Variants in SBNO1 observed in about 807,000 individuals in gnomAD.
The protein encoded by SBNO1 is strawberry notch homolog 1.
A neutral mutation model predicts 173.6 loss-of-function variants in SBNO1; 23 were observed. That is an observed-to-expected ratio of 0.13 (90% CI 0.10 to 0.19). The LOEUF is 0.19. SBNO1 is among the 10% of genes least tolerant of loss of function. SBNO1 has a pLI of 1.00. For synonymous variants in SBNO1, 632 were observed against 571.5 expected, an observed-to-expected ratio of 1.11 and a Z score of -1.51; for missense variants, 1,238 against 1,671.2, an observed-to-expected ratio of 0.74 and a Z score of 4.52.
intron 7 of SBNO1, among the ~76,000 whole-genome samples, chr12:123,332,432 C>T (rs1593378031): frequency 6.6e-6 from 1 of 151,916 alleles, no homozygotes; most frequent in South Asian, 2.1e-4. Flanking sequence ...GCTAGGATTA[C>T]AGGCATGTGC....
intron 28 of SBNO1, 50 bp downstream of exon 28, chr12:123,309,260 C>A (rs769293201): frequency 7.7e-7 from 1 of 1,299,312 alleles, no homozygotes; most frequent in Non-Finnish European, 1.1e-6. Context: ...ACAATGCTGG[C>A]CATTAAAAAG....
chr12:123,311,999 C>T (rs528828159), intron 24 of SBNO1, among the ~76,000 whole-genome samples: 6 of 151,862 alleles, frequency 4.0e-5, no homozygotes, highest in Admixed American at 1.3e-4. Context: ...CTTGGCCTCC[C>T]AAAGTGCTGA....
At chr12:123,333,936 C>A in intron 7 of SBNO1, 117 bp downstream of exon 7, 4 of 631,870 alleles carry the variant, frequency 6.3e-6, no homozygotes, top group Non-Finnish European at 9.9e-6. Flanking sequence ...ATTAAACTTT[C>A]ATAAATATTA....
intron 4 of SBNO1, 99 bp downstream of exon 4, chr12:123,345,159 T>TAAA: frequency 9.7e-7 from 1 of 1,025,650 alleles, no homozygotes; most frequent in Non-Finnish European, 1.5e-6. Flanking sequence ...AACACCCTTT[T>TAAA]ATGGCCAGTT....
chr12:123,332,385 G>A (rs952120792), intron 7 of SBNO1, among the ~76,000 whole-genome samples: 1 of 151,424 alleles, frequency 6.6e-6, no homozygotes, highest in Admixed American at 6.6e-5. Context: ...TCCGCCTCCT[G>A]AGTTCAAGTG....
chr12:123,328,144 C>A, intron 10 of SBNO1, 117 bp from the exon 11 acceptor site: 1 of 757,118 alleles, frequency 1.3e-6, no homozygotes, highest in South Asian at 2.2e-5. Flanking sequence ...TTCATGACTG[C>A]AAATACAAAG....
intron 5 of SBNO1, among the ~76,000 whole-genome samples, chr12:123,339,539 C>T (rs1186697868): frequency 2.0e-5 from 3 of 152,060 alleles, no homozygotes; most frequent in Non-Finnish European, 4.4e-5. Context: ...GGCCTCCCAG[C>T]ACTTTGGGAG....
chr12:123,359,765 C>T (rs941995121), intron 1 of SBNO1, among the ~76,000 whole-genome samples: 2 of 152,116 alleles, frequency 1.3e-5, no homozygotes, highest in African/African-American at 4.8e-5. Flanking sequence ...AGAGCCCATC[C>T]TTTCCACTTA....
chr12:123,332,511 C>T (rs1259176169), intron 7 of SBNO1, among the ~76,000 whole-genome samples: 7 of 151,956 alleles, frequency 4.6e-5, no homozygotes, highest in African/African-American at 1.7e-4. Context: ...AGGCTGGTCT[C>T]GAACTCCCAA....
intron 1 of SBNO1, among the ~76,000 whole-genome samples, chr12:123,361,069 C>CCT (rs1431540480): frequency 6.6e-6 from 1 of 151,984 alleles, no homozygotes; most frequent in East Asian, 1.9e-4. Context: ...AATGGTAAAA[C>CCT]CTCGTCTCTG....
chr12:123,350,231 G>A, intron 2 of SBNO1, 79 bp downstream of exon 2: 2 of 1,531,564 alleles, frequency 1.3e-6, no homozygotes, highest in Non-Finnish European at 1.8e-6. Flanking sequence ...CCCAGCCTGG[G>A]CCACAGAGTG....
At chr12:123,331,555 T>C (rs1871209877) in intron 7 of SBNO1, among the ~76,000 whole-genome samples, 180 bp from the exon 8 acceptor site, 1 of 152,222 alleles carries the variant, frequency 6.6e-6, no homozygotes, top group South Asian at 2.1e-4. Flanking sequence ...GGAGTCTCGC[T>C]CTGTCGCCCA....
At position 123,326,347 on chromosome 12, in the gene SBNO1, A is replaced by G. The variant is rs778282042; in HGVS notation, c.1693-13T>C. On this transcript the variant is annotated splice_polypyrimidine_tract_variant and intron_variant, in intron 13 of 31. Coordinates refer to ENST00000602398, the MANE Select transcript of SBNO1 (RefSeq NM_001167856.3). The stretch of plus-strand genomic sequence containing the variant: ...TGGCGATGACCCACTGAAGATACAT[A>G]ATCAACATTTCAGACACTTCATCTT... 40 of 1,557,378 alleles carry G rather than the reference A, an allele frequency of 2.6e-5. No homozygotes were observed. The highest frequency in any genetic ancestry group is 3.8e-5 in the Admixed American group (2 of 52,038).
chr12:123,318,394 C>A (rs1208147858), intron 20 of SBNO1, among the ~76,000 whole-genome samples: 33 of 151,388 alleles, frequency 2.2e-4, no homozygotes, highest in Non-Finnish European at 4.4e-5. Flanking sequence ...AGCTGAGATC[C>A]AGCCTGGGGG....
At chr12:123,326,420 T>C in intron 13 of SBNO1, 86 bp from the exon 14 acceptor site, 2 of 742,432 alleles carry the variant, frequency 2.7e-6, no homozygotes, top group Non-Finnish European at 4.1e-6. Flanking sequence ...CAATGTTAAG[T>C]GCAAGACCAT....
intron 4 of SBNO1, among the ~76,000 whole-genome samples, chr12:123,341,678 T>C (rs972677229): frequency 6.6e-5 from 10 of 151,764 alleles, no homozygotes; most frequent in Admixed American, 6.6e-5. Context: ...TGCGCCACCA[T>C]GCCTGCCTAA....
intron 23 of SBNO1, 95 bp downstream of exon 23, chr12:123,315,278 G>T: frequency 1.1e-6 from 1 of 919,800 alleles, no homozygotes; most frequent in Non-Finnish European, 1.7e-6. Context: ...AGGAGAGGCA[G>T]TTTTGTTTTA....
In SBNO1 at chr12:123,311,720, C is replaced by CTA. The variant is rs56718635; in HGVS notation, c.3221-593_3221-592dup. ...TCTATCTATCTATCTATCTATCTAT[C>CTA]TATATATATATATATATATATATAT... On this transcript the variant is annotated intron_variant, in intron 24 of 31. Coordinates refer to ENST00000602398, the MANE Select transcript of SBNO1 (RefSeq NM_001167856.3). 4.9e-3 allele frequency among the ~76,000 whole-genome samples: 629 copies of CTA among 127,398 alleles called. 3 individuals carry two copies. Among genetic ancestry groups the CTA allele is most frequent in the African/African-American group, 0.014 (436 of 31,488 alleles). 83.6% of individuals were successfully genotyped at this position (127,398 alleles called of 152,430 possible).
At chr12:123,315,716 T>C in intron 21 of SBNO1, 56 bp from the exon 22 acceptor site, 1 of 943,030 alleles carries the variant, frequency 1.1e-6, no homozygotes, top group Non-Finnish European at 1.7e-6. Context: ...ACAGAGAATA[T>C]TCTGAGATGT....
Sources: gnomAD v4.1 joint callset for allele counts (sites outside exome capture counted in the v4.1 genomes callset) on GRCh38, gnomAD v4.1.1 for gene constraint, MANE v1.5 for transcripts, NCBI Gene and HGNC (gene_info 2026-07-23, HGNC 2026-07-21) for gene names.